The following PCSK6 variants were observed in gnomAD, a reference collection of about 807,000 sequenced individuals.
The protein encoded by PCSK6 is paired basic amino acid cleaving enzyme 4.
Under a neutral mutation model 123.3 loss-of-function variants are expected in PCSK6, and 85 were observed. The ratio of observed to expected loss-of-function variants is 0.69; its 90% CI spans 0.58 to 0.83. The LOEUF (loss-of-function observed/expected upper bound fraction) is 0.83. PCSK6 is among the 40% of genes least tolerant of loss of function. PCSK6 has a pLI of 0.00. For synonymous variants in PCSK6, 508 were observed against 516.0 expected, an observed-to-expected ratio of 0.98 and a Z score of 0.21; for missense variants, 1,191 against 1,282.3, an observed-to-expected ratio of 0.93 and a Z score of 1.09.
intron 13 of PCSK6, among the ~76,000 whole-genome samples, chr15:101,334,847 A>T (rs1232768591): frequency 6.6e-6 from 1 of 151,506 alleles, no homozygotes; most frequent in Non-Finnish European, 1.5e-5. Context: ...AGCAGGAAGA[A>T]TTCCCAGGGA....
chr15:101,364,553 T>A (rs1368493368), intron 13 of PCSK6, among the ~76,000 whole-genome samples: 1 of 152,150 alleles, frequency 6.6e-6, no homozygotes, highest in African/African-American at 2.4e-5. Context: ...ACCATTCCAT[T>A]TGCAATAGCA....
At chr15:101,402,039 C>T (rs1433715750) in intron 6 of PCSK6, among the ~76,000 whole-genome samples, 3 of 151,822 alleles carry the variant, frequency 2.0e-5, no homozygotes, top group Non-Finnish European at 4.4e-5. Flanking sequence ...GCTACAGTAA[C>T]CAAAACAGCA....
At chr15:101,389,729 C>T (rs1366012202) in intron 8 of PCSK6, among the ~76,000 whole-genome samples, 165 bp from the exon 9 acceptor site, 2 of 152,216 alleles carry the variant, frequency 1.3e-5, no homozygotes, top group Non-Finnish European at 2.9e-5. Flanking sequence ...CAGGTTTCCA[C>T]AACATCTGGT....
intron 2 of PCSK6, among the ~76,000 whole-genome samples, chr15:101,433,655 C>T (rs139146867): frequency 2.6e-5 from 4 of 152,326 alleles, no homozygotes; most frequent in East Asian, 3.9e-4. Flanking sequence ...CCAAGGCTGG[C>T]GACCCAGGGT....
At chr15:101,457,777 G>A (rs2057227402) in intron 1 of PCSK6, among the ~76,000 whole-genome samples, 1 of 152,156 alleles carries the variant, frequency 6.6e-6, no homozygotes, top group African/African-American at 2.4e-5. Flanking sequence ...CTCTGGGTGT[G>A]CAATACCATT....
chr15:101,357,866 TC>T (rs1221711716), intron 13 of PCSK6, among the ~76,000 whole-genome samples: 2 of 152,114 alleles, frequency 1.3e-5, no homozygotes, highest in African/African-American at 4.8e-5. Context: ...TCAATGCCCG[TC>T]CACTGCAGGC....
chr15:101,414,584 C>A (rs540272019), intron 6 of PCSK6, among the ~76,000 whole-genome samples: 1 of 152,006 alleles, frequency 6.6e-6, no homozygotes, highest in Non-Finnish European at 1.5e-5. Flanking sequence ...TACTGATTAG[C>A]GCTAAACACT....
chr15:101,450,952 C>T lies in PCSK6; in HGVS notation c.298-7292G>A, dbSNP rs185717670. On this transcript the variant is annotated intron_variant, in intron 1 of 21. Transcript: ENST00000611716. ...AGTGCCCTTCATTCATGGCACGCAC[C>T]AGCCATGAGAAGAACTCTCGGGCGC... Among the ~76,000 whole-genome samples, 10 of 151,862 alleles carry T rather than the reference C, an allele frequency of 6.6e-5. No individual in the cohort carries two copies. In the East Asian group the frequency reaches 2.0e-3, roughly 30 times the overall value.
intron 2 of PCSK6, among the ~76,000 whole-genome samples, chr15:101,437,619 C>T (rs1049271107): frequency 5.3e-5 from 8 of 152,182 alleles, no homozygotes; most frequent in Non-Finnish European, 8.8e-5. Context: ...CCAGAAGACC[C>T]CTGCTTAACA....
intron 16 of PCSK6, 137 bp from the exon 17 acceptor site, chr15:101,325,183 A>C: frequency 1.6e-6 from 1 of 624,184 alleles, no homozygotes; most frequent in South Asian, 2.0e-5. Flanking sequence ...TGGTGAGTGC[A>C]GTTCTGAGGT....
In PCSK6 at chr15:101,331,615, G is replaced by A. The variant is rs773058226; in HGVS notation, c.2077+36C>T. On this transcript the variant is annotated intron_variant, in intron 15 of 21. Transcript: ENST00000611716. ...TAGACCCTGCTCTCCCAGCTGGGAA[G>A]GTTGGAAAATACTTACTGGTTTGAA... 8.5e-5 allele frequency: 137 copies of A among 1,603,054 alleles called. 1 individual carries two copies. In the East Asian group the frequency reaches 3.0e-3, roughly 35 times the overall value.
At chr15:101,445,705 T>G (rs912413957) in intron 1 of PCSK6, among the ~76,000 whole-genome samples, 10 of 152,226 alleles carry the variant, frequency 6.6e-5, no homozygotes, top group African/African-American at 2.4e-4. Flanking sequence ...CCATCATCCC[T>G]GGGAGACGTT....
At chr15:101,394,912 G>C (rs1434415744) in intron 7 of PCSK6, among the ~76,000 whole-genome samples, 1 of 152,196 alleles carries the variant, frequency 6.6e-6, no homozygotes, top group African/African-American at 2.4e-5. Flanking sequence ...GAACCTGTCG[G>C]GGTGGCCAAG....
intron 13 of PCSK6, among the ~76,000 whole-genome samples, chr15:101,358,788 T>C (rs1329018227): frequency 6.6e-6 from 1 of 152,188 alleles, no homozygotes; most frequent in Non-Finnish European, 1.5e-5. Flanking sequence ...CTGACCCCTT[T>C]TGGCTTCACT....
At chr15:101,432,153 A>C in intron 2 of PCSK6, 53 bp from the exon 3 acceptor site, 2 of 1,458,348 alleles carry the variant, frequency 1.4e-6, no homozygotes, top group Non-Finnish European at 1.9e-6. Flanking sequence ...TCTTGATTTT[A>C]TGTAGCCTCT....
intron 1 of PCSK6, among the ~76,000 whole-genome samples, chr15:101,446,343 G>T (rs1307189292): frequency 1.3e-5 from 2 of 152,206 alleles, no homozygotes; most frequent in Admixed American, 6.5e-5. Context: ...CCTTTTTAAG[G>T]CTGACTAATC....
At chr15:101,385,861 C>A (rs538666946) in intron 9 of PCSK6, among the ~76,000 whole-genome samples, 2 of 152,170 alleles carry the variant, frequency 1.3e-5, no homozygotes, top group African/African-American at 4.8e-5. Flanking sequence ...TGGTTCCGGC[C>A]GCCATTTGAC....
chr15:101,433,618 G>C (rs1413352238), intron 2 of PCSK6, among the ~76,000 whole-genome samples: 7 of 152,264 alleles, frequency 4.6e-5, no homozygotes, highest in Admixed American at 2.6e-4. Flanking sequence ...GGAGGAACAA[G>C]AGAAGGGGGC....
chr15:101,395,627 T>G (rs1239981054), intron 7 of PCSK6, among the ~76,000 whole-genome samples: 1 of 152,202 alleles, frequency 6.6e-6, no homozygotes, highest in African/African-American at 2.4e-5. Context: ...TCCAGTGGCT[T>G]CATGGAAGCC....
Sources: gnomAD v4.1 joint callset for allele counts (sites outside exome capture counted in the v4.1 genomes callset) on GRCh38, gnomAD v4.1.1 for gene constraint, MANE v1.5 for transcripts, NCBI Gene and HGNC (gene_info 2026-07-23, HGNC 2026-07-21) for gene names.